Variants in ZCCHC14 observed in about 807,000 individuals in gnomAD.
ZCCHC14 encodes the protein zinc finger CCHC domain-containing protein 14.
In ZCCHC14, 16 loss-of-function variants were observed where a neutral mutation model predicts 85.0. The ratio of observed to expected loss-of-function variants is 0.19; its 90% CI spans 0.13 to 0.29. The LOEUF is 0.29. Ranked by LOEUF, ZCCHC14 falls within the 10% of genes least tolerant of loss-of-function variation. The pLI is 1.00. For synonymous variants in ZCCHC14, 775 were observed against 630.7 expected, an observed-to-expected ratio of 1.23 and a Z score of -3.43; for missense variants, 1,303 against 1,443.5, an observed-to-expected ratio of 0.90 and a Z score of 1.58.
At chr16:87,419,290 G>C (rs904937136) in intron 6 of ZCCHC14, among the ~76,000 whole-genome samples, 1 of 150,230 alleles carries the variant, frequency 6.7e-6, no homozygotes, top group African/African-American at 2.5e-5. Context: ...CACCACGCCC[G>C]GCTAATTTTG....
intron 1 of ZCCHC14, among the ~76,000 whole-genome samples, chr16:87,490,038 A>C (rs984293396): frequency 6.6e-6 from 1 of 152,186 alleles, no homozygotes; most frequent in African/African-American, 2.4e-5. Context: ...ACTATAAACA[A>C]CTACATTTCC....
intron 1 of ZCCHC14, chr16:87,473,869 G>T (rs558634272): frequency 1.3e-5 from 2 of 152,208 alleles, no homozygotes; most frequent in Admixed American, 1.3e-4. Context: ...GGTCCAGAAA[G>T]TGTCAGTAAA....
intron 2 of ZCCHC14, among the ~76,000 whole-genome samples, chr16:87,459,286 T>C (rs1911135598): frequency 6.6e-6 from 1 of 151,954 alleles, no homozygotes; most frequent in Non-Finnish European, 1.5e-5. Flanking sequence ...AACACCGCTC[T>C]AGTGGTTAAG....
At chr16:87,423,228 T>C (rs779157444) in intron 4 of ZCCHC14, among the ~76,000 whole-genome samples, 5 of 152,114 alleles carry the variant, frequency 3.3e-5, no homozygotes, top group Non-Finnish European at 7.4e-5. Context: ...ATTTATTTAG[T>C]AGTGGAACTT....
At chr16:87,473,773 A>C (rs1470848862) in intron 1 of ZCCHC14, 1 of 151,882 alleles carries the variant, frequency 6.6e-6, no homozygotes, top group East Asian at 1.9e-4. Context: ...CGGTTTCAGA[A>C]CACTTAGGCA....
intron 2 of ZCCHC14, among the ~76,000 whole-genome samples, chr16:87,441,441 T>G (rs1259209398): frequency 6.6e-6 from 1 of 152,208 alleles, no homozygotes; most frequent in Non-Finnish European, 1.5e-5. Context: ...TCTTTTTTTT[T>G]GTCTTTGATT....
intron 1 of ZCCHC14, among the ~76,000 whole-genome samples, chr16:87,467,980 C>T (rs1305068819): frequency 1.3e-5 from 2 of 152,056 alleles, no homozygotes; most frequent in Non-Finnish European, 2.9e-5. Context: ...AGACATGAGC[C>T]ACTGCGCCTG....
intron 3 of ZCCHC14, 26 bp from the exon 4 acceptor site, chr16:87,423,907 C>T: frequency 6.2e-7 from 1 of 1,609,136 alleles, no homozygotes; most frequent in South Asian, 1.1e-5. Context: ...ACAAACAAAC[C>T]TTAGAAACAG....
intron 3 of ZCCHC14, among the ~76,000 whole-genome samples, chr16:87,425,118 T>C (rs532126240): frequency 1.3e-5 from 2 of 152,098 alleles, no homozygotes; most frequent in East Asian, 3.9e-4. Context: ...CCTGGGTCTG[T>C]TTCATCACGC....
chr16:87,464,400 C>T (rs1911421775), intron 1 of ZCCHC14, among the ~76,000 whole-genome samples: 1 of 152,208 alleles, frequency 6.6e-6, no homozygotes, highest in Admixed American at 6.5e-5. Context: ...AAGAACCAAC[C>T]ACGACCCCAA....
chr16:87,435,226 G>A (rs1313919658), intron 2 of ZCCHC14, among the ~76,000 whole-genome samples: 1 of 152,094 alleles, frequency 6.6e-6, no homozygotes, highest in Non-Finnish European at 1.5e-5. Context: ...TTCTAAGCCT[G>A]CACTGCCCAA....
intron 1 of ZCCHC14, among the ~76,000 whole-genome samples, chr16:87,460,921 T>G (rs1597439173): frequency 6.6e-6 from 1 of 152,240 alleles, no homozygotes; most frequent in African/African-American, 2.4e-5. Flanking sequence ...TGAAAAAGCA[T>G]ATCCTAAAAT....
intron 1 of ZCCHC14, among the ~76,000 whole-genome samples, chr16:87,479,433 A>G (rs1912168613): frequency 6.7e-6 from 1 of 149,592 alleles, no homozygotes; most frequent in South Asian, 2.1e-4. Flanking sequence ...AAAAAAAAAG[A>G]AACCTAAGGA....
intron 4 of ZCCHC14, among the ~76,000 whole-genome samples, chr16:87,422,379 G>C (rs1305792135): frequency 6.6e-6 from 1 of 152,138 alleles, no homozygotes; most frequent in Non-Finnish European, 1.5e-5. Context: ...CAGAGTCCAG[G>C]AGAGGGGAGG....
At chr16:87,480,046 G>C (rs961554912) in intron 1 of ZCCHC14, among the ~76,000 whole-genome samples, 3 of 151,824 alleles carry the variant, frequency 2.0e-5, no homozygotes, top group African/African-American at 4.8e-5. Flanking sequence ...AAGTGCTGGG[G>C]TTACAGGTGT....
Position 87,411,794 on chromosome 16 carries a change from T to C in ZCCHC14, c.2927A>G (p.Gln976Arg), listed in dbSNP as rs1259151585. The change falls in exon 12 of 13, where the codon CAG becomes CGG. Residue 976 changes from glutamine to arginine, a missense_variant. Gln to Arg is a conservative substitution (Grantham distance 43). Coordinates refer to ENST00000671377, the MANE Select transcript of ZCCHC14 (RefSeq NM_015144.3). ...GAAGGTGGAGCCGCCGCCGTACTGC[T>C]GGGCGCTGACGTAGCCGCTGCTGCA... ...PMCSSGYVSAQQYGGGSTFPV... is the reference protein window; with the variant it reads ...PMCSSGYVSARQYGGGSTFPV... The C allele has an allele frequency of 6.2e-7, 1 of 1,611,282 alleles. No homozygotes were observed. Among genetic ancestry groups the C allele is most frequent in the African/African-American group, 1.3e-5 (1 of 74,968 alleles).
At chr16:87,467,196 TCTTC>T in intron 1 of ZCCHC14, 3 of 1,445,702 alleles carry the variant, frequency 2.1e-6, no homozygotes, top group Non-Finnish European at 2.9e-6. Flanking sequence ...AGAAGACTAT[TCTTC>T]CTTTTAAAAG....
chr16:87,412,534 G>A lies in ZCCHC14; in HGVS notation c.2187C>T (p.Pro729=). 1 of 1,614,062 alleles carries A rather than the reference G, an allele frequency of 6.2e-7. No individual in the cohort carries two copies. Among genetic ancestry groups the A allele is most frequent in the Non-Finnish European group, 8.5e-7 (1 of 1,180,020 alleles). Reference sequence around the variant, plus strand: ...TGGATGCATGCACGACTTTGGTCCGGGGACCAAAGGAGACTGTGGGTGACA... The same window carrying A: ...TGGATGCATGCACGACTTTGGTCCGAGGACCAAAGGAGACTGTGGGTGACA... ...SSMSPTVSFG[P]RTKVVHASTL... is the part of the protein sequence containing the mutation. The change falls in exon 12 of 13, where the codon CCC becomes CCT. Residue 729 remains proline (P), a synonymous_variant. Transcript: ENST00000671377.
chr16:87,420,807 T>C lies in ZCCHC14; in HGVS notation c.841-91A>G. 9.5e-7 allele frequency: 1 copy of C among 1,057,236 alleles called. No homozygotes were observed. Among genetic ancestry groups the C allele is most frequent in the Non-Finnish European group, 1.4e-6 (1 of 728,286 alleles). The allele number at this position is 1,057,236 out of a possible 1,614,324, so 65.5% of individuals were successfully genotyped here. ...CTGCAGGAAAACCTGGGGCAGGTGC[T>C]CCATGGTGCCGCCTGCTGGTCTGAT... On this transcript the variant is annotated intron_variant, in intron 4 of 12. Transcript: ENST00000671377. The surrounding 1 kb of genome is among the most constrained non-coding windows in gnomAD (Gnocchi z 5.0).
Sources: gnomAD v4.1 joint callset for allele counts (sites outside exome capture counted in the v4.1 genomes callset) on GRCh38, gnomAD v4.1.1 for gene constraint, Gnocchi (gnomAD v3.1) non-coding constraint, MANE v1.5 for transcripts, NCBI Gene and HGNC (gene_info 2026-07-23, HGNC 2026-07-21) for gene names.